Variants in GABRB1 observed in about 807,000 individuals in gnomAD.
GABRB1 encodes the protein gamma-aminobutyric acid type A receptor subunit beta1.
In GABRB1, 17 loss-of-function variants were observed where a neutral mutation model predicts 51.6. That is an observed-to-expected ratio of 0.33 (90% CI 0.23 to 0.49). The LOEUF is 0.49. Among genes scored for constraint, GABRB1 ranks in the 20% least tolerant of loss-of-function variants. GABRB1 has a pLI of 0.99. For missense variants in GABRB1, 410 were observed against 600.6 expected (o/e 0.68, Z 3.32); for synonymous variants, 247 against 218.9 (o/e 1.13, Z -1.14).
chr4:47,011,638 A>G (rs1485416354), intron 1 of GABRB1, among the ~76,000 whole-genome samples: 1 of 152,102 alleles, frequency 6.6e-6, no homozygotes, highest in Admixed American at 6.5e-5. Context: ...GAGTTTGATT[A>G]AGCCTTGCTT....
intron 8 of GABRB1, among the ~76,000 whole-genome samples, chr4:47,410,901 C>T (rs1413656851): frequency 6.6e-6 from 1 of 152,092 alleles, no homozygotes; most frequent in Non-Finnish European, 1.5e-5. Flanking sequence ...AAGGGAAAAT[C>T]TAAAATAGGC....
chr4:47,260,169 C>A (rs1324393477), intron 4 of GABRB1, among the ~76,000 whole-genome samples: 4 of 151,466 alleles, frequency 2.6e-5, no homozygotes, highest in African/African-American at 9.7e-5. Flanking sequence ...TTTTGTTTTC[C>A]ATTTCCTTGG....
chr4:47,062,578 CTCT>C (rs1024539083), intron 3 of GABRB1, among the ~76,000 whole-genome samples: 28 of 151,826 alleles, frequency 1.8e-4, no homozygotes, highest in Non-Finnish European at 3.8e-4. Flanking sequence ...TAATATTTTG[CTCT>C]TCTTCTTCAA....
intron 4 of GABRB1, among the ~76,000 whole-genome samples, chr4:47,318,449 A>G (rs1163585704): frequency 6.6e-6 from 1 of 151,920 alleles, no homozygotes; most frequent in Non-Finnish European, 1.5e-5. Context: ...ATCATCATCA[A>G]CAACAACAAC....
At chr4:47,161,499 G>A (rs1438982807) in intron 4 of GABRB1, 30 bp downstream of exon 4, 9 of 1,563,394 alleles carry the variant, frequency 5.8e-6, no homozygotes, top group Non-Finnish European at 7.9e-6. Context: ...ATGTTTTAAT[G>A]TTGTTGTTGT....
intron 4 of GABRB1, among the ~76,000 whole-genome samples, chr4:47,278,005 T>A (rs1271470375): frequency 6.6e-6 from 1 of 152,096 alleles, no homozygotes. Flanking sequence ...ACACAGAAAG[T>A]TTTCATAGCC....
chr4:47,223,637 C>A (rs977246756), intron 4 of GABRB1, among the ~76,000 whole-genome samples: 3 of 152,060 alleles, frequency 2.0e-5, no homozygotes, highest in Non-Finnish European at 2.9e-5. Flanking sequence ...TTGGAACATT[C>A]AAGAAGAGGC....
At chr4:47,266,600 T>C (rs917948631) in intron 4 of GABRB1, among the ~76,000 whole-genome samples, 1 of 152,206 alleles carries the variant, frequency 6.6e-6, no homozygotes, top group African/African-American at 2.4e-5. Context: ...GAGTTCCTCG[T>C]GGAATTAATT....
At chr4:47,246,334 GTACATATA>G (rs1721747748) in intron 4 of GABRB1, among the ~76,000 whole-genome samples, 2 of 7,654 alleles carry the variant, frequency 2.6e-4, no homozygotes, top group South Asian at 7.1e-3. Context: ...ACACACATAT[GTACATATA>G]TATATATATA....
At chr4:47,375,451 A>G (rs1481510291) in intron 5 of GABRB1, among the ~76,000 whole-genome samples, 1 of 152,232 alleles carries the variant, frequency 6.6e-6, no homozygotes, top group Non-Finnish European at 1.5e-5. Flanking sequence ...GAGCTAGGTC[A>G]TGCTGCAGTC....
chr4:47,266,386 G>C (rs1199839947), intron 4 of GABRB1, among the ~76,000 whole-genome samples: 1 of 152,072 alleles, frequency 6.6e-6, no homozygotes, highest in Non-Finnish European at 1.5e-5. Flanking sequence ...TTTTTGCTTA[G>C]GATTGTTTTG....
chr4:47,106,621 T>C lies in GABRB1; in HGVS notation c.241-54628T>C, dbSNP rs117173464. On this transcript the variant is annotated intron_variant, in intron 3 of 8. Transcript: ENST00000295454. ...ATTCTGCAAACCCAACCAACTCTTG[T>C]TGGGTTTGGTCTACATTAGCCTTGG... Among the ~76,000 whole-genome samples, 77 of 152,094 alleles carry C rather than the reference T, an allele frequency of 5.1e-4. No individual in the cohort carries two copies. In the East Asian group the frequency reaches 0.013, roughly 25 times the overall value.
At chr4:47,387,221 G>A (rs1727827858) in intron 5 of GABRB1, among the ~76,000 whole-genome samples, 1 of 152,176 alleles carries the variant, frequency 6.6e-6, no homozygotes, top group Non-Finnish European at 1.5e-5. Context: ...TCCCACTTTG[G>A]GAGGCCAAGA....
intron 3 of GABRB1, among the ~76,000 whole-genome samples, chr4:47,077,567 G>A (rs1727610187): frequency 6.6e-6 from 1 of 151,852 alleles, no homozygotes; most frequent in Non-Finnish European, 1.5e-5. Flanking sequence ...AAATTGCTAA[G>A]TATATCCTGT....
intron 4 of GABRB1, among the ~76,000 whole-genome samples, chr4:47,214,086 T>G (rs1720467471): frequency 1.3e-5 from 2 of 152,184 alleles, no homozygotes; most frequent in Non-Finnish European, 2.9e-5. Context: ...GTGTGCCTGT[T>G]ACTGACAGAT....
At chr4:47,045,335 T>C (rs892165567) in intron 3 of GABRB1, among the ~76,000 whole-genome samples, 3 of 152,100 alleles carry the variant, frequency 2.0e-5, no homozygotes, top group Non-Finnish European at 2.9e-5. Flanking sequence ...TCTTAGGTTA[T>C]CGAAGGCTAA....
At chr4:47,281,871 G>C (rs1193391181) in intron 4 of GABRB1, among the ~76,000 whole-genome samples, 1 of 152,144 alleles carries the variant, frequency 6.6e-6, no homozygotes, top group Non-Finnish European at 1.5e-5. Flanking sequence ...AGGTGGCTGA[G>C]TGGGGAGAAA....
chr4:47,293,838 T>A (rs55818428), intron 4 of GABRB1, among the ~76,000 whole-genome samples: 32,342 of 152,202 alleles, frequency 0.21, 4,402 homozygotes, highest in Middle Eastern at 0.39. Flanking sequence ...AACTTGTATT[T>A]CACAAAGAAA....
intron 3 of GABRB1, among the ~76,000 whole-genome samples, chr4:47,144,886 G>A (rs193197360): frequency 8.6e-5 from 13 of 151,988 alleles, no homozygotes; most frequent in Admixed American, 6.6e-4. Flanking sequence ...TGAATAGTTA[G>A]ATCATGACCA....
Sources: gnomAD v4.1 joint callset for allele counts (sites outside exome capture counted in the v4.1 genomes callset) on GRCh38, gnomAD v4.1.1 for gene constraint, MANE v1.5 for transcripts, NCBI Gene and HGNC (gene_info 2026-07-23, HGNC 2026-07-21) for gene names.